RFX7: variants seen among roughly 807,000 people sequenced by gnomAD.
RFX7 encodes the protein regulatory factor X7.
RFX7 carries 26 observed loss-of-function variants against 111.8 expected under a neutral mutation model. The observed-to-expected ratio is 0.23, with a 90% CI of 0.17 to 0.32. RFX7 has a LOEUF of 0.32. Ranked by LOEUF, RFX7 falls within the 10% of genes least tolerant of loss-of-function variation. The pLI is 1.00. For synonymous variants in RFX7, 624 were observed against 624.4 expected (o/e 1.00, Z 0.01); for missense variants, 1,573 against 1,772.9 (o/e 0.89, Z 2.02).
At chr15:56,134,833 C>T (rs1366132050) in intron 5 of RFX7, among the ~76,000 whole-genome samples, 1 of 152,070 alleles carries the variant, frequency 6.6e-6, no homozygotes, top group Non-Finnish European at 1.5e-5. Context: ...TCTCATTGTT[C>T]AATCCCCACC....
intron 2 of RFX7, 72 bp downstream of exon 2, chr15:56,243,053 G>GCCCCCCCCCCCCCCCCCC: frequency 1.9e-6 from 1 of 519,406 alleles, no homozygotes. Flanking sequence ...CCCCCCGCCC[G>GCCCCCCCCCCCCCCCCCC]CCGCCCCCCA....
chr15:56,134,483 A>C (rs530961918), intron 5 of RFX7, among the ~76,000 whole-genome samples: 2 of 152,176 alleles, frequency 1.3e-5, no homozygotes, highest in East Asian at 3.9e-4. Context: ...CATTAGAATA[A>C]TTCTCTCCAA....
At chr15:56,241,006 TTTTG>T (rs1259039907) in intron 2 of RFX7, among the ~76,000 whole-genome samples, 3 of 152,170 alleles carry the variant, frequency 2.0e-5, no homozygotes, top group African/African-American at 7.2e-5. Context: ...TATTTACTAA[TTTTG>T]TTTATTATCT....
chr15:56,217,937 A>T (rs1342087798), intron 2 of RFX7, among the ~76,000 whole-genome samples: 1 of 152,102 alleles, frequency 6.6e-6, no homozygotes, highest in Non-Finnish European at 1.5e-5. Flanking sequence ...GTAAGGATAT[A>T]GTCAGCTCTA....
chr15:56,121,457 A>G (rs1386821002), intron 5 of RFX7, among the ~76,000 whole-genome samples: 7 of 152,194 alleles, frequency 4.6e-5, no homozygotes, highest in African/African-American at 1.7e-4. Context: ...ATAGGGGTCT[A>G]TCAAGGTCCT....
intron 3 of RFX7, among the ~76,000 whole-genome samples, chr15:56,178,698 C>A (rs1350477649): frequency 2.6e-5 from 4 of 152,152 alleles, no homozygotes; most frequent in African/African-American, 9.6e-5. Context: ...TATGAAACTA[C>A]TACTATACTA....
At chr15:56,188,034 A>G (rs1411954327) in intron 2 of RFX7, among the ~76,000 whole-genome samples, 1 of 152,244 alleles carries the variant, frequency 6.6e-6, no homozygotes, top group African/African-American at 2.4e-5. Context: ...ACTTCAAAGC[A>G]AGTATTATAA....
At chr15:56,228,617 C>A (rs1289813843) in intron 2 of RFX7, among the ~76,000 whole-genome samples, 1 of 152,062 alleles carries the variant, frequency 6.6e-6, no homozygotes, top group Non-Finnish European at 1.5e-5. Flanking sequence ...ATTACTGACA[C>A]TAAAGATTTT....
At chr15:56,160,418 T>C (rs943398548) in intron 3 of RFX7, among the ~76,000 whole-genome samples, 9 of 151,870 alleles carry the variant, frequency 5.9e-5, no homozygotes, top group African/African-American at 2.2e-4. Flanking sequence ...GAAACCTAAA[T>C]AATCAAGTTT....
intron 3 of RFX7, among the ~76,000 whole-genome samples, chr15:56,154,608 TAC>T (rs1448496758): frequency 6.6e-6 from 1 of 152,192 alleles, no homozygotes; most frequent in Non-Finnish European, 1.5e-5. Context: ...ATCCCTTCCT[TAC>T]ACCTTTTACA....
At chr15:56,132,416 A>G (rs183679390) in intron 5 of RFX7, among the ~76,000 whole-genome samples, 260 of 152,196 alleles carry the variant, frequency 1.7e-3, no homozygotes, top group Admixed American at 5.2e-3. Flanking sequence ...AGCCTTTAGT[A>G]AGGTAACAGT....
intron 2 of RFX7, among the ~76,000 whole-genome samples, chr15:56,205,382 T>G (rs1436369514): frequency 6.6e-6 from 1 of 152,218 alleles, no homozygotes; most frequent in Non-Finnish European, 1.5e-5. Flanking sequence ...GATTATGCTT[T>G]TTGCCCAAAT....
chr15:56,094,413 C>G lies in RFX7; in HGVS notation c.3315G>C (p.Gln1105His). 6.2e-7 allele frequency: 1 copy of G among 1,613,980 alleles called. No homozygotes were observed. The highest frequency in any genetic ancestry group is 8.5e-7 in the Non-Finnish European group (1 of 1,179,878). ...RKPHAFAVPG[Q>H]SYQSQSRHHD... ...GATGTCTGGATTGAGACTGATAAGA[C>G]TGTCCAGGCACAGCAAAAGCATGAG... Residue 1105 changes from glutamine to histidine, a missense_variant, in exon 10 of 10, where the codon CAG (glutamine) becomes CAC (histidine). Physicochemically the swap from Gln to His is conservative, Grantham distance 24. Around this residue, in one of 7 missense-constraint regions of RFX7, gnomAD observed 411 missense variants for 478.1 expected, o/e 0.86. Coordinates refer to ENST00000559447, the MANE Select transcript of RFX7 (RefSeq NM_022841.7).
chr15:56,100,023 AG>A lies in RFX7; in HGVS notation c.811+1335del, dbSNP rs371349650. On this transcript the variant is annotated intron_variant, in intron 8 of 9. Coordinates refer to ENST00000559447, the MANE Select transcript of RFX7 (RefSeq NM_022841.7). ...TCTTTTAGGTGTTGGCAGGGGCAGG[AG>A]AAAGACAGCAGAGCAAACTGAAGGG... 2.0e-4 allele frequency among the ~76,000 whole-genome samples: 31 copies of A among 152,318 alleles called. No individual in the cohort carries two copies. The East Asian group carries it at 5.8e-3, about 28-fold the overall frequency.
chr15:56,123,104 C>T (rs1595942987), intron 5 of RFX7, among the ~76,000 whole-genome samples: 1 of 152,140 alleles, frequency 6.6e-6, no homozygotes. Context: ...CTTTATTCTT[C>T]CCTCTGCTTT....
chr15:56,161,099 ATC>A (rs1460330959), intron 3 of RFX7, among the ~76,000 whole-genome samples: 6 of 152,218 alleles, frequency 3.9e-5, no homozygotes, highest in African/African-American at 1.4e-4. Flanking sequence ...AAGGAGTATG[ATC>A]TGAGTCAATT....
chr15:56,112,879 C>T (rs1373349708), intron 5 of RFX7, among the ~76,000 whole-genome samples: 1 of 152,106 alleles, frequency 6.6e-6, no homozygotes, highest in East Asian at 1.9e-4. Context: ...GGTATTTATG[C>T]AACCAACAAA....
At chr15:56,206,604 G>C (rs1425551398) in intron 2 of RFX7, among the ~76,000 whole-genome samples, 6 of 152,114 alleles carry the variant, frequency 3.9e-5, no homozygotes, top group South Asian at 2.1e-4. Context: ...ATCAACCTAA[G>C]TGTCCATCAA....
chr15:56,209,594 C>T (rs1227356315), intron 2 of RFX7, among the ~76,000 whole-genome samples: 1 of 152,050 alleles, frequency 6.6e-6, no homozygotes, highest in Non-Finnish European at 1.5e-5. Context: ...GAACAATGTA[C>T]TGAATTATGT....
Sources: allele counts gnomAD v4.1 joint callset (sites outside exome capture counted in the v4.1 genomes callset), GRCh38; gene constraint gnomAD v4.1.1; regional missense constraint gnomAD v4.1.1; transcripts MANE v1.5; gene names NCBI Gene and HGNC (gene_info 2026-07-23, HGNC 2026-07-21).